The following WDR59 variants were observed in gnomAD, a reference collection of about 807,000 sequenced individuals.
WDR59 encodes the protein WD repeat domain 59, also known as GATOR2 complex protein WDR59.
A neutral mutation model predicts 131.2 loss-of-function variants in WDR59; 100 were observed. The observed-to-expected ratio is 0.76, with a 90% CI of 0.65 to 0.90. WDR59 has a LOEUF of 0.90. Among genes scored for constraint, WDR59 ranks in the 40% least tolerant of loss-of-function variants. WDR59 has a pLI of 0.00. For synonymous variants in WDR59, 601 were observed against 466.2 expected (o/e 1.29, Z -3.72); for missense variants, 1,203 against 1,262.2 (o/e 0.95, Z 0.71).
intron 6 of WDR59, among the ~76,000 whole-genome samples, chr16:74,947,997 G>A (rs1475955215): frequency 6.6e-6 from 1 of 152,122 alleles, no homozygotes; most frequent in Non-Finnish European, 1.5e-5. Context: ...TTGAACCTGG[G>A]AAGCAGAGGC....
intron 13 of WDR59, among the ~76,000 whole-genome samples, chr16:74,914,027 C>G (rs1025719432): frequency 6.6e-6 from 1 of 152,042 alleles, no homozygotes; most frequent in Non-Finnish European, 1.5e-5. Context: ...GCCAACATGG[C>G]AAAAACCCCA....
At chr16:74,937,635 G>A (rs372480737) in intron 8 of WDR59, among the ~76,000 whole-genome samples, 37 of 152,200 alleles carry the variant, frequency 2.4e-4, no homozygotes, top group African/African-American at 7.9e-4. Flanking sequence ...CCAAGTAGAT[G>A]GAATTACAGG....
rs746124107 is a variant in WDR59, at chr16:74,892,538, T to C, written c.2028A>G (p.Thr676=). The C allele has an allele frequency of 6.2e-6, 10 of 1,613,718 alleles. No individual in the cohort carries two copies. Among genetic ancestry groups the C allele is most frequent in the Admixed American group, 3.3e-5 (2 of 60,008 alleles). ...YILNVNDIQE[T]CQKNAASALL... ...AGGCAGAGGCGGCATTCTTCTGACA[T>C]GTTTCCTGAATATCATTCACATTCA... The change falls in exon 20 of 26, where the codon ACA becomes ACG. Residue 676 remains threonine (T), a synonymous_variant. Transcript: ENST00000262144.
At chr16:74,973,414 G>A (rs1265253561) in intron 1 of WDR59, among the ~76,000 whole-genome samples, 4 of 152,174 alleles carry the variant, frequency 2.6e-5, no homozygotes, top group Non-Finnish European at 5.9e-5. Flanking sequence ...AGCCTCCTGA[G>A]TAAATGGTAC....
chr16:74,914,171 C>T (rs1025430887), intron 13 of WDR59, among the ~76,000 whole-genome samples: 1 of 152,058 alleles, frequency 6.6e-6, no homozygotes, highest in Non-Finnish European at 1.5e-5. Flanking sequence ...ACGGTAGCAC[C>T]ACTGCACTCC....
At chr16:74,930,814 A>G (rs1026721868) in intron 8 of WDR59, 11 of 148,798 alleles carry the variant, frequency 7.4e-5, no homozygotes, top group African/African-American at 2.2e-4. Context: ...AATCATTTGA[A>G]TCCAGGAGGA....
rs572027264 is a variant in WDR59, at chr16:74,965,665, C to T, written c.104+108G>A. 2.0e-5 allele frequency: 27 copies of T among 1,364,356 alleles called. No homozygotes were observed. In the South Asian group the frequency reaches 2.4e-4, roughly 12 times the overall value. The allele number at this position is 1,364,356 out of a possible 1,614,324, so 84.5% of individuals were successfully genotyped here. ...GCAAACAGGATATCAGAACTAAACC[C>T]TATGATCATAATCCGTAAATATAAG... On this transcript the variant is annotated intron_variant, in intron 2 of 25. Transcript: ENST00000262144.
chr16:74,922,243 C>T (rs2030315255), intron 9 of WDR59, 140 bp from the exon 10 acceptor site: 13 of 1,061,282 alleles, frequency 1.2e-5, no homozygotes, highest in Middle Eastern at 2.4e-4. Flanking sequence ...AGAAATTTTT[C>T]CCAAACACCA....
At chr16:74,972,190 T>C in intron 1 of WDR59, among the ~76,000 whole-genome samples, 1 of 152,204 alleles carries the variant, frequency 6.6e-6, no homozygotes, top group East Asian at 1.9e-4. Context: ...CACTTTAGGA[T>C]TTACATGCCC....
intron 6 of WDR59, 134 bp from the exon 7 acceptor site, chr16:74,942,960 C>G (rs544861846): frequency 1.4e-6 from 1 of 703,482 alleles, no homozygotes; most frequent in South Asian, 1.6e-5. Context: ...GTGACTGCAC[C>G]AACTCCACTA....
chr16:74,976,963 C>G (rs1005275836), intron 1 of WDR59, among the ~76,000 whole-genome samples: 1 of 152,068 alleles, frequency 6.6e-6, no homozygotes, highest in Non-Finnish European at 1.5e-5. Flanking sequence ...TTCAAAATCA[C>G]GGCACTCCAG....
chr16:74,906,573 T>C (rs576372753), intron 17 of WDR59, among the ~76,000 whole-genome samples: 6 of 152,114 alleles, frequency 3.9e-5, no homozygotes, highest in Admixed American at 2.6e-4. Flanking sequence ...TATGAACATA[T>C]GTGTCCAGGT....
intron 18 of WDR59, among the ~76,000 whole-genome samples, chr16:74,894,468 A>G (rs1965194215): frequency 6.6e-6 from 1 of 152,194 alleles, no homozygotes; most frequent in Non-Finnish European, 1.5e-5. Flanking sequence ...ATGGGTGGCT[A>G]CATGTGTGAG....
At position 74,962,660 on chromosome 16, in the gene WDR59, G is replaced by C. The variant is rs1597802365; in HGVS notation, c.104+3113C>G. 3.3e-5 allele frequency among the ~76,000 whole-genome samples: 5 copies of C among 152,112 alleles called. No individual in the cohort carries two copies. In the Middle Eastern group the frequency reaches 0.017, roughly 521 times the overall value. On this transcript the variant is annotated intron_variant, in intron 2 of 25. Transcript: ENST00000262144. Reference sequence around the variant, plus strand: ...TGTATCCTGAAATTTTGCTAAAGTTGCTTATCAGCTTAAGAAGCTTTTGGG... The same window carrying C: ...TGTATCCTGAAATTTTGCTAAAGTTCCTTATCAGCTTAAGAAGCTTTTGGG...
chr16:74,938,369 C>A (rs1454891729), intron 7 of WDR59, 103 bp from the exon 8 acceptor site: 1 of 716,186 alleles, frequency 1.4e-6, no homozygotes, highest in African/African-American at 1.8e-5. Flanking sequence ...AAAAATACTA[C>A]CAGATACTGT....
At chr16:74,901,753 A>G (rs75075624) in intron 18 of WDR59, among the ~76,000 whole-genome samples, 1,781 of 152,314 alleles carry the variant, frequency 0.012, 15 homozygotes, top group South Asian at 0.053. Context: ...ATCATTTGAC[A>G]TGTGAAACTA....
At chr16:74,920,906 G>A (rs1477839314) in intron 10 of WDR59, among the ~76,000 whole-genome samples, 1 of 152,124 alleles carries the variant, frequency 6.6e-6, no homozygotes, top group African/African-American at 2.4e-5. Flanking sequence ...AGCATTAGAG[G>A]AGTCACTACT....
rs1194835344 is a variant in WDR59, at chr16:74,956,549, G to A, written c.166C>T (p.Arg56Cys). The A allele has an allele frequency of 6.8e-6, 11 of 1,614,086 alleles. No individual in the cohort carries two copies. Among genetic ancestry groups the A allele is most frequent in the Non-Finnish European group, 9.3e-6 (11 of 1,180,014 alleles). ...GCTCCAATGTCCCATTTGCTCTGGCGAGAGATCTTTCGGTGACCTTCGAAA... is the reference window on the plus strand; with the variant it reads ...GCTCCAATGTCCCATTTGCTCTGGCAAGAGATCTTTCGGTGACCTTCGAAA... ...APFEGHRKIS[R>C]QSKWDIGAVQ... The change falls in exon 3 of 26, where the codon CGC becomes TGC. Residue 56 changes from arginine (R) to cysteine (C), a missense_variant. Coordinates refer to ENST00000262144, the MANE Select transcript of WDR59 (RefSeq NM_030581.4).
intron 8 of WDR59, among the ~76,000 whole-genome samples, chr16:74,927,904 C>CT (rs199671092): frequency 0.024 from 3,327 of 137,454 alleles, 156 homozygotes; most frequent in African/African-American, 0.087. Context: ...TTTATTCTTT[C>CT]TTTCTTTTTT....
Sources: allele counts gnomAD v4.1 joint callset (sites outside exome capture counted in the v4.1 genomes callset), GRCh38; gene constraint gnomAD v4.1.1; transcripts MANE v1.5; gene names NCBI Gene and HGNC (gene_info 2026-07-23, HGNC 2026-07-21).